HPCAL1: variants seen among roughly 807,000 people sequenced by gnomAD.
HPCAL1 encodes hippocalcin like 1, also known as hippocalcin-like protein 1.
Under a neutral mutation model 17.1 loss-of-function variants are expected in HPCAL1, and 8 were observed. The ratio of observed to expected loss-of-function variants is 0.47; its 90% CI spans 0.27 to 0.84. The LOEUF is 0.84. Among genes scored for constraint, HPCAL1 ranks in the 40% least tolerant of loss-of-function variants. The pLI is 0.13. For missense variants in HPCAL1, 165 were observed against 271.1 expected (o/e 0.61, Z 2.75); for synonymous variants, 112 against 111.4 (o/e 1.01, Z -0.03).
chr2:10,380,341 A>T (rs1174423366), intron 1 of HPCAL1, among the ~76,000 whole-genome samples: 1 of 152,040 alleles, frequency 6.6e-6, no homozygotes, highest in Non-Finnish European at 1.5e-5. Context: ...GGCCCACGAG[A>T]TCTGGGGACT....
chr2:10,358,809 G>A (rs761055825), intron 1 of HPCAL1, among the ~76,000 whole-genome samples: 11 of 152,286 alleles, frequency 7.2e-5, no homozygotes, highest in Non-Finnish European at 1.0e-4. Flanking sequence ...CCAAGCCCAC[G>A]TGTGATCTTC....
chr2:10,323,995 T>C lies in HPCAL1; in HGVS notation c.-111+20818T>C, dbSNP rs1045794549. Among the ~76,000 whole-genome samples the C allele has an allele frequency of 2.0e-5, 3 of 152,202 alleles. No individual in the cohort carries two copies. Among genetic ancestry groups the C allele is most frequent in the African/African-American group, 7.2e-5 (3 of 41,456 alleles). On this transcript the variant is annotated intron_variant, in intron 1 of 4. Coordinates refer to ENST00000307845, the MANE Select transcript of HPCAL1 (RefSeq NM_002149.4). This position sits in a 1 kb window ranked among gnomAD's most constrained non-coding sequence, Gnocchi z 4.6. Reference sequence around the variant, plus strand: ...TGTCATTTCAGAAAAGGAAGGAGAATTAAGTAAAATGTACTTCAAGAAAGT... The same window carrying C: ...TGTCATTTCAGAAAAGGAAGGAGAACTAAGTAAAATGTACTTCAAGAAAGT...
In HPCAL1 at chr2:10,365,006, A is replaced by G. The variant is rs1666759392; in HGVS notation, c.-110-31829A>G. 6.6e-6 allele frequency among the ~76,000 whole-genome samples: 1 copy of G among 152,110 alleles called. No individual in the cohort carries two copies. The highest frequency in any genetic ancestry group is 1.5e-5 in the Non-Finnish European group (1 of 68,024). On this transcript the variant is annotated intron_variant, in intron 1 of 4. Transcript: ENST00000307845. The surrounding 1 kb of genome is among the most constrained non-coding windows in gnomAD (Gnocchi z 4.8). ...TGAGCTTGTACATCTCTGTGATGTC[A>G]CCCAGGTGCCACCAGGTGTGTGTGT... is the stretch of plus-strand genomic sequence containing the variant.
At chr2:10,303,939 C>G (rs951533483) in intron 1 of HPCAL1, 1 of 152,294 alleles carries the variant, frequency 6.6e-6, no homozygotes, top group South Asian at 2.1e-4. Flanking sequence ...AAGCCCCGCA[C>G]ACAGTAGGTA....
chr2:10,376,772 A>T (rs1667590822), intron 1 of HPCAL1, among the ~76,000 whole-genome samples: 1 of 152,048 alleles, frequency 6.6e-6, no homozygotes, highest in Non-Finnish European at 1.5e-5. Context: ...TGCATATTTT[A>T]TTTAAGTTTG....
intron 1 of HPCAL1, among the ~76,000 whole-genome samples, chr2:10,376,567 C>G (rs1487695441): frequency 6.6e-6 from 1 of 152,030 alleles, no homozygotes; most frequent in Non-Finnish European, 1.5e-5. Context: ...TCCCAAGTAG[C>G]TGGGATTACA....
rs1321015173 is a variant in HPCAL1, at chr2:10,359,656, T to G, written c.-110-37179T>G. ...AGCTCTGGTGGCCTTCCAGGCCCACTCAGTGGCTGGCGGTCCCACCTCCAA... is the reference window on the plus strand; with the variant it reads ...AGCTCTGGTGGCCTTCCAGGCCCACGCAGTGGCTGGCGGTCCCACCTCCAA... On this transcript the variant is annotated intron_variant, in intron 1 of 4. Coordinates refer to ENST00000307845, the MANE Select transcript of HPCAL1 (RefSeq NM_002149.4). This position sits in a 1 kb window ranked among gnomAD's most constrained non-coding sequence, Gnocchi z 4.1. Among the ~76,000 whole-genome samples the G allele has an allele frequency of 3.3e-5, 5 of 152,292 alleles. No individual in the cohort carries two copies. In the South Asian group the frequency reaches 1.0e-3, roughly 32 times the overall value.
At chr2:10,325,394 G>A (rs964683902) in intron 1 of HPCAL1, among the ~76,000 whole-genome samples, 5 of 152,164 alleles carry the variant, frequency 3.3e-5, no homozygotes, top group African/African-American at 9.7e-5. Flanking sequence ...TTTTACAGAC[G>A]AGAACACCGG....
rs147730229 is a variant in HPCAL1 at position 10,361,412 on chromosome 2, C to T, written c.-110-35423C>T. 1.1e-4 allele frequency among the ~76,000 whole-genome samples: 16 copies of T among 152,222 alleles called. No homozygotes were observed. In the East Asian group the frequency reaches 2.1e-3, roughly 20 times the overall value. ...CCTTCAAATTATTGGAAGGGAAAAACGCCAGCAGAGGGTCCTGACAGATCC... is the reference window on the plus strand; with the variant it reads ...CCTTCAAATTATTGGAAGGGAAAAATGCCAGCAGAGGGTCCTGACAGATCC... On this transcript the variant is annotated intron_variant, in intron 1 of 4. Coordinates refer to ENST00000307845, the MANE Select transcript of HPCAL1 (RefSeq NM_002149.4).
At chr2:10,337,847 T>C (rs1664812551) in intron 1 of HPCAL1, among the ~76,000 whole-genome samples, 1 of 152,176 alleles carries the variant, frequency 6.6e-6, no homozygotes, top group Non-Finnish European at 1.5e-5. Flanking sequence ...TTCTTAGGAA[T>C]GGTCTCTGTC....
At chr2:10,328,235 G>C (rs1664137853) in intron 1 of HPCAL1, among the ~76,000 whole-genome samples, 1 of 152,220 alleles carries the variant, frequency 6.6e-6, no homozygotes, top group African/African-American at 2.4e-5. Context: ...TAAGTGACTT[G>C]TCTGAGGGTT....
At chr2:10,303,718 G>A (rs1193260816) in intron 1 of HPCAL1, 2 of 152,296 alleles carry the variant, frequency 1.3e-5, no homozygotes, top group East Asian at 3.9e-4. Context: ...CCAAGGGTGG[G>A]GGCCCACGCG....
chr2:10,370,417 A>G (rs1572737791), intron 1 of HPCAL1, among the ~76,000 whole-genome samples: 1 of 152,332 alleles, frequency 6.6e-6, no homozygotes, highest in African/African-American at 2.4e-5. Context: ...TCCAACCCAT[A>G]CAAGCCCTAA....
chr2:10,386,678 G>A (rs1572780420), intron 1 of HPCAL1, among the ~76,000 whole-genome samples: 2 of 152,314 alleles, frequency 1.3e-5, no homozygotes, highest in Non-Finnish European at 2.9e-5. Context: ...TCTGCAGGCT[G>A]GGGGAGCTGC....
chr2:10,423,123 G>A lies in HPCAL1; in HGVS notation c.484+35G>A, dbSNP rs774786654. The A allele has an allele frequency of 8.5e-5, 126 of 1,474,808 alleles. 1 individual carries two copies. The highest frequency in any genetic ancestry group is 6.9e-4 in the Admixed American group (41 of 59,550). 91.4% of individuals were successfully genotyped at this position (1,474,808 alleles called of 1,614,324 possible). Reference sequence around the variant, plus strand: ...GGTGGGGGCGGGGCTGCATGTGTACGCCACGGTAGGGGCAAAACCATGTGG... The same window carrying A: ...GGTGGGGGCGGGGCTGCATGTGTACACCACGGTAGGGGCAAAACCATGTGG... On this transcript the variant is annotated intron_variant, in intron 4 of 4. Coordinates refer to ENST00000307845, the MANE Select transcript of HPCAL1 (RefSeq NM_002149.4).
Position 10,342,786 on chromosome 2 carries a change from A to T in HPCAL1, c.-111+39609A>T, listed in dbSNP as rs973984718. ...CCGGTTGGGCCAGCTGCCCTCCAGT[A>T]GCTACGCAGGATGCTCTGGCCGGCC... On this transcript the variant is annotated intron_variant, in intron 1 of 4. Transcript: ENST00000307845. The surrounding 1 kb of genome is among the most constrained non-coding windows in gnomAD (Gnocchi z 4.1). Among the ~76,000 whole-genome samples, 4 of 152,168 alleles carry T rather than the reference A, an allele frequency of 2.6e-5. No homozygotes were observed. Among genetic ancestry groups the T allele is most frequent in the Non-Finnish European group, 5.9e-5 (4 of 68,028 alleles).
chr2:10,400,801 T>C (rs4669583), intron 2 of HPCAL1, among the ~76,000 whole-genome samples: 69,893 of 152,022 alleles, frequency 0.46, 16,373 homozygotes, highest in East Asian at 0.59. Context: ...ACACACATTG[T>C]GGGCAGGCAC....
chr2:10,361,876 C>G (rs539534654), intron 1 of HPCAL1, among the ~76,000 whole-genome samples: 62 of 152,216 alleles, frequency 4.1e-4, no homozygotes, highest in Non-Finnish European at 7.6e-4. Flanking sequence ...GCCACCATGC[C>G]TGCCTAATTT....
intron 1 of HPCAL1, among the ~76,000 whole-genome samples, chr2:10,317,570 A>G (rs1663399107): frequency 6.6e-6 from 1 of 152,060 alleles, no homozygotes; most frequent in Non-Finnish European, 1.5e-5. Flanking sequence ...GGGATGCACC[A>G]CCATGCCTGG....
Sources: gnomAD v4.1 joint callset for allele counts (sites outside exome capture counted in the v4.1 genomes callset) on GRCh38, gnomAD v4.1.1 for gene constraint, Gnocchi (gnomAD v3.1) non-coding constraint, MANE v1.5 for transcripts, NCBI Gene and HGNC (gene_info 2026-07-23, HGNC 2026-07-21) for gene names.